RNASEH2A: variants seen among roughly 807,000 people sequenced by gnomAD.
RNASEH2A encodes the protein RNase H(35).
In RNASEH2A, 30 loss-of-function variants were observed where a neutral mutation model predicts 32.7. The ratio of observed to expected loss-of-function variants is 0.92; its 90% CI spans 0.69 to 1.25. The LOEUF (loss-of-function observed/expected upper bound fraction) is 1.25. RNASEH2A is among the 50% of genes most tolerant of loss of function. RNASEH2A has a pLI of 0.00. For missense variants in RNASEH2A, 409 were observed against 398.1 expected, an observed-to-expected ratio of 1.03 and a Z score of -0.23; for synonymous variants, 147 against 165.4, an observed-to-expected ratio of 0.89 and a Z score of 0.86.
intron 4 of RNASEH2A, 106 bp downstream of exon 4, chr19:12,807,612 C>T: frequency 2.0e-6 from 2 of 978,266 alleles, no homozygotes; most frequent in South Asian, 1.3e-5. Context: ...AGCACTCCAT[C>T]CTGGGTGACA....
At chr19:12,807,604 C>A in intron 4 of RNASEH2A, 98 bp downstream of exon 4, 1 of 1,021,166 alleles carries the variant, frequency 9.8e-7, no homozygotes, top group Non-Finnish European at 1.5e-6. Context: ...CATGCCACAG[C>A]ACTCCATCCT....
Position 12,810,102 on chromosome 19 carries a change from C to T in RNASEH2A, c.443C>T (p.Thr148Ile). ...VFVDTVGMPE[T>I]YQARLQQSFP... ...GTGGACACCGTAGGGATGCCAGAGA[C>T]ATACCAGGCGCGGCTGCAGCAAAGT... The change falls in exon 5 of 8, where the codon ACA becomes ATA. Residue 148 changes from threonine (T) to isoleucine (I), a missense_variant. By Grantham distance (89) the Thr-to-Ile change is moderately conservative. Transcript: ENST00000221486. 6.2e-7 allele frequency: 1 copy of T among 1,614,172 alleles called. No individual in the cohort carries two copies.
In RNASEH2A at chr19:12,810,387, G is replaced by T. The variant is rs1969056443; in HGVS notation, c.620G>T (p.Gly207Val). The T allele has an allele frequency of 1.2e-6, 2 of 1,613,992 alleles. No individual in the cohort carries two copies. The highest frequency in any genetic ancestry group is 1.7e-6 in the Non-Finnish European group (2 of 1,179,992). ...EKLQDLDTDYGSGYPNDPKTK... is the reference protein window; with the variant it reads ...EKLQDLDTDYVSGYPNDPKTK... ...CTGCAGGACTTGGATACTGATTATG[G>T]CTCAGGCTACCCCAATGGTGAGCAG... The change falls in exon 6 of 8, where the codon GGC becomes GTC. Residue 207 changes from glycine to valine, a missense_variant. Transcript: ENST00000221486.
In RNASEH2A at chr19:12,813,508, A is replaced by G. The variant is rs772839132; in HGVS notation, c.*42A>G. 10 of 1,608,598 alleles carry G rather than the reference A, an allele frequency of 6.2e-6. No homozygotes were observed. The highest frequency in any genetic ancestry group is 1.7e-5 in the Admixed American group (1 of 59,996). ...CTCTACCTGCTTCCCCAACCCAGAC[A>G]TTAAAATTGTTTAAGGAGAACCACA... On this transcript the variant is annotated 3_prime_UTR_variant, in exon 8 of 8. Transcript: ENST00000221486.
Position 12,813,468 on chromosome 19 carries a change from A to G in RNASEH2A, c.*2A>G, listed in dbSNP as rs200442543. On this transcript the variant is annotated 3_prime_UTR_variant, in exon 8 of 8. Coordinates refer to ENST00000221486, the MANE Select transcript of RNASEH2A (RefSeq NM_006397.3). Reference sequence around the variant, plus strand: ...CTGGAGTCAGCAACCAGCCTCTAGCAGCTGCCTCTACGCGCTCTACCTGCT... The same window carrying G: ...CTGGAGTCAGCAACCAGCCTCTAGCGGCTGCCTCTACGCGCTCTACCTGCT... 30 of 1,613,156 alleles carry G rather than the reference A, an allele frequency of 1.9e-5. No individual in the cohort carries two copies. In the East Asian group the frequency reaches 6.7e-4, roughly 36 times the overall value.
At position 12,810,100 on chromosome 19, in the gene RNASEH2A, G is replaced by A. The variant is rs772640456; in HGVS notation, c.441G>A (p.Glu147=). Reference sequence around the variant, plus strand: ...TCGTGGACACCGTAGGGATGCCAGAGACATACCAGGCGCGGCTGCAGCAAA... The same window carrying A: ...TCGTGGACACCGTAGGGATGCCAGAAACATACCAGGCGCGGCTGCAGCAAA... The part of the protein sequence containing the change: ...QVFVDTVGMP[E]TYQARLQQSF... The change falls in exon 5 of 8, where the codon GAG becomes GAA. Residue 147 remains glutamate (E), a synonymous_variant. Transcript: ENST00000221486. The A allele has an allele frequency of 1.1e-5, 18 of 1,614,206 alleles. No individual in the cohort carries two copies. Among genetic ancestry groups the A allele is most frequent in the South Asian group, 6.6e-5 (6 of 91,088 alleles).
At chr19:12,811,530 G>C (rs1969071447) in intron 6 of RNASEH2A, among the ~76,000 whole-genome samples, 1 of 151,746 alleles carries the variant, frequency 6.6e-6, no homozygotes, top group Admixed American at 6.6e-5. Context: ...AGGTGGGTGG[G>C]TTGCTTGAGC....
chr19:12,806,937 A>G, intron 1 of RNASEH2A, 71 bp from the exon 2 acceptor site: 1 of 1,605,770 alleles, frequency 6.2e-7, no homozygotes, highest in Non-Finnish European at 8.5e-7. Flanking sequence ...TAGAACAGGG[A>G]TGAATGGCAA....
chr19:12,807,699 C>T (rs1969015566), intron 4 of RNASEH2A, 193 bp downstream of exon 4: 3 of 623,812 alleles, frequency 4.8e-6, no homozygotes, highest in Non-Finnish European at 8.8e-6. Context: ...TGGGAAGCCG[C>T]GGCGGGTAGA....
rs564029348 is a variant in RNASEH2A, at chr19:12,813,534, C to T, written c.*68C>T. ...TTAAAATTGTTTAAGGAGAACCACA[C>T]GTAGGGGATGTACTTTTGGGACAGA... is the stretch of plus-strand genomic sequence containing the variant. On this transcript the variant is annotated 3_prime_UTR_variant, in exon 8 of 8. Coordinates refer to ENST00000221486, the MANE Select transcript of RNASEH2A (RefSeq NM_006397.3). 108 of 1,594,286 alleles carry T rather than the reference C, an allele frequency of 6.8e-5. No homozygotes were observed. The highest frequency in any genetic ancestry group is 5.0e-4 in the Middle Eastern group (3 of 5,988).
chr19:12,809,965 G>A lies in RNASEH2A; in HGVS notation c.412-106G>A. On this transcript the variant is annotated intron_variant, in intron 4 of 7. Transcript: ENST00000221486. ...CCTGATTGATCCATCCTGGGGACGT[G>A]CTGGAGAAGAGGATTCTGGGTAGCA... is the stretch of plus-strand genomic sequence containing the variant. 8 of 1,422,962 alleles carry A rather than the reference G, an allele frequency of 5.6e-6. No individual in the cohort carries two copies. In the South Asian group the frequency reaches 9.2e-5, roughly 16 times the overall value. 88.1% of individuals were successfully genotyped at this position (1,422,962 alleles called of 1,614,324 possible).
intron 6 of RNASEH2A, among the ~76,000 whole-genome samples, chr19:12,811,052 T>C (rs1243984860): frequency 6.6e-6 from 1 of 152,094 alleles, no homozygotes; most frequent in Non-Finnish European, 1.5e-5. Flanking sequence ...CCTCCTGCCT[T>C]GGACTCCCAA....
chr19:12,807,710 T>C (rs998689688), intron 4 of RNASEH2A: 12 of 600,114 alleles, frequency 2.0e-5, no homozygotes, highest in Middle Eastern at 4.4e-4. Context: ...GGCGGGTAGA[T>C]CACCGGAGGT....
chr19:12,807,152 G>A, intron 2 of RNASEH2A, 54 bp from the exon 3 acceptor site: 4 of 1,614,120 alleles, frequency 2.5e-6, no homozygotes, highest in South Asian at 1.1e-5. Flanking sequence ...TGAAAGGGGA[G>A]GGCAGGAACT....
intron 6 of RNASEH2A, 136 bp from the exon 7 acceptor site, chr19:12,812,947 G>C (rs904391909): frequency 8.2e-7 from 1 of 1,225,172 alleles, no homozygotes; most frequent in Non-Finnish European, 1.2e-6. Flanking sequence ...GGAGGTTGCA[G>C]TGAGCTGAGA....
In RNASEH2A at chr19:12,809,033, A is replaced by G. The variant is rs114333461; in HGVS notation, c.412-1038A>G. Among the ~76,000 whole-genome samples, 650 of 152,088 alleles carry G rather than the reference A, an allele frequency of 4.3e-3. 4 individuals are homozygous for G. Among genetic ancestry groups the G allele is most frequent in the African/African-American group, 0.015 (627 of 41,490 alleles). On this transcript the variant is annotated intron_variant, in intron 4 of 7. Coordinates refer to ENST00000221486, the MANE Select transcript of RNASEH2A (RefSeq NM_006397.3). Reference sequence around the variant, plus strand: ...GCGATACAGTAACTGGTGTAGACAGACAAGGGCCCTACCCGTAGGCGTTCA... The same window carrying G: ...GCGATACAGTAACTGGTGTAGACAGGCAAGGGCCCTACCCGTAGGCGTTCA...
Position 12,807,011 on chromosome 19 carries a change from C to G in RNASEH2A, c.131C>G (p.Pro44Arg). The change falls in exon 2 of 8, where the codon CCC becomes CGC. Residue 44 changes from proline to arginine, a missense_variant. By Grantham distance (103) the Pro-to-Arg change is moderately radical (BLOSUM62 -2). Transcript: ENST00000221486. ...DEAGRGPVLGPMVYAICYCPL... is the reference protein window; with the variant it reads ...DEAGRGPVLGRMVYAICYCPL... The stretch of plus-strand genomic sequence containing the variant: ...AACTGACACCCCTTCTCCCCAGGCC[C>G]CATGGTCTACGCCATCTGTTATTGT... The G allele has an allele frequency of 6.2e-7, 1 of 1,613,866 alleles. No individual in the cohort carries two copies. Among genetic ancestry groups the G allele is most frequent in the Non-Finnish European group, 8.5e-7 (1 of 1,179,980 alleles).
chr19:12,812,962 G>A lies in RNASEH2A; in HGVS notation c.638-121G>A, dbSNP rs552341875. On this transcript the variant is annotated intron_variant, in intron 6 of 7. Transcript: ENST00000221486. ...GGAGGTTGCAGTGAGCTGAGATCGC[G>A]CCACTGCACTCCAGCCTGGCTACAG... 192 of 1,366,710 alleles carry A rather than the reference G, an allele frequency of 1.4e-4. No homozygotes were observed. In the African/African-American group the frequency reaches 2.5e-3, roughly 18 times the overall value. 84.7% of individuals were successfully genotyped at this position (1,366,710 alleles called of 1,614,324 possible). A position where few individuals can be genotyped will look rare whatever the true frequency, so the allele number is the denominator to read the frequency against.
Position 12,807,015 on chromosome 19 carries a change from G to A in RNASEH2A, c.135G>A (p.Met45Ile), listed in dbSNP as rs1187283211. The A allele has an allele frequency of 1.9e-6, 3 of 1,613,782 alleles. No homozygotes were observed. The highest frequency in any genetic ancestry group is 2.5e-6 in the Non-Finnish European group (3 of 1,179,990). Residue 45 changes from methionine (M) to isoleucine (I), a missense_variant, in exon 2 of 8, where the codon ATG (methionine) becomes ATA (isoleucine). Transcript: ENST00000221486. The part of the protein sequence containing the change: ...EAGRGPVLGP[M>I]VYAICYCPLP... ...GACACCCCTTCTCCCCAGGCCCCAT[G>A]GTCTACGCCATCTGTTATTGTCCCC...
Sources: allele counts gnomAD v4.1 joint callset (sites outside exome capture counted in the v4.1 genomes callset), GRCh38; gene constraint gnomAD v4.1.1; transcripts MANE v1.5; gene names NCBI Gene and HGNC (gene_info 2026-07-23, HGNC 2026-07-21).